Variants in MYO3B observed in about 807,000 individuals in gnomAD.
The protein encoded by MYO3B is myosin IIIB, also known as myosin-IIIb.
MYO3B carries 156 observed loss-of-function variants against 174.6 expected under a neutral mutation model. The observed-to-expected ratio is 0.89, with a 90% CI of 0.78 to 1.02. The LOEUF is 1.02. MYO3B is among the 50% of genes least tolerant of loss of function. The pLI, the probability that MYO3B is intolerant of heterozygous loss-of-function variation, is 0.00. For synonymous variants in MYO3B, 563 were observed against 569.1 expected (o/e 0.99, Z 0.15); for missense variants, 1,632 against 1,639.4 (o/e 1.00, Z 0.08).
At chr2:170,531,009 G>A (rs1332105575) in intron 30 of MYO3B, among the ~76,000 whole-genome samples, 2 of 152,114 alleles carry the variant, frequency 1.3e-5, no homozygotes, top group Admixed American at 6.5e-5. Context: ...ACCCCAACAT[G>A]GCTTTCACTT....
At chr2:170,259,339 A>G (rs765982058) in intron 7 of MYO3B, among the ~76,000 whole-genome samples, 1 of 152,164 alleles carries the variant, frequency 6.6e-6, no homozygotes, top group Non-Finnish European at 1.5e-5. Context: ...GTAGCCAAAA[A>G]GCATGGTACT....
At chr2:170,355,286 T>G (rs1313148168) in intron 8 of MYO3B, among the ~76,000 whole-genome samples, 1 of 152,230 alleles carries the variant, frequency 6.6e-6, no homozygotes, top group Admixed American at 6.5e-5. Flanking sequence ...TTAGTGTGGT[T>G]AAGTTGTTAT....
At position 170,532,600 on chromosome 2, in the gene MYO3B, G is replaced by T. The variant is rs192374328; in HGVS notation, c.3576-10306G>T. On this transcript the variant is annotated intron_variant, in intron 30 of 34. Transcript: ENST00000408978. The stretch of plus-strand genomic sequence containing the variant: ...GGCCAAGGTGGGCGGATCACCTGGG[G>T]TCAGGAGTTCGAGACCAGCCTGACC... 3.2e-4 allele frequency among the ~76,000 whole-genome samples: 49 copies of T among 152,108 alleles called. No individual in the cohort carries two copies. In the East Asian group the frequency reaches 8.9e-3, roughly 28 times the overall value.
At chr2:170,358,877 C>A (rs2094141595) in intron 8 of MYO3B, among the ~76,000 whole-genome samples, 1 of 152,124 alleles carries the variant, frequency 6.6e-6, no homozygotes, top group South Asian at 2.1e-4. Context: ...AAGTTCTAAG[C>A]CTGTGCACAT....
At chr2:170,181,697 G>T (rs1424115280) in intron 1 of MYO3B, among the ~76,000 whole-genome samples, 1 of 152,124 alleles carries the variant, frequency 6.6e-6, no homozygotes, top group Non-Finnish European at 1.5e-5. Context: ...CGATCGAGAT[G>T]ATGGTTTTTC....
chr2:170,551,663 T>C (rs1244090279), intron 32 of MYO3B, among the ~76,000 whole-genome samples: 1 of 151,954 alleles, frequency 6.6e-6, no homozygotes, highest in African/African-American at 2.4e-5. Context: ...TATAGTTGTC[T>C]TAATCCCCAA....
chr2:170,216,532 A>G (rs1279369753), intron 5 of MYO3B, among the ~76,000 whole-genome samples: 1 of 152,220 alleles, frequency 6.6e-6, no homozygotes, highest in Non-Finnish European at 1.5e-5. Context: ...CTCTCGTGAT[A>G]TGAAGAAGAC....
chr2:170,585,849 C>A (rs1416466522), intron 32 of MYO3B, among the ~76,000 whole-genome samples: 1 of 152,060 alleles, frequency 6.6e-6, no homozygotes, highest in Non-Finnish European at 1.5e-5. Context: ...GCCAGGAGTT[C>A]GAGACTGACC....
chr2:170,285,805 A>AT (rs35953791), intron 7 of MYO3B, among the ~76,000 whole-genome samples: 120,596 of 146,906 alleles, frequency 0.82, 49,833 homozygotes, highest in East Asian at 0.99. Context: ...ATAATGTTGT[A>AT]TTTTTTTTTT....
chr2:170,264,764 G>A (rs1280571040), intron 7 of MYO3B, among the ~76,000 whole-genome samples: 1 of 152,174 alleles, frequency 6.6e-6, no homozygotes, highest in Non-Finnish European at 1.5e-5. Flanking sequence ...AATGAAAATT[G>A]GAAAGAGGAT....
chr2:170,290,842 GC>G (rs2093590685), intron 7 of MYO3B, among the ~76,000 whole-genome samples: 1 of 150,878 alleles, frequency 6.6e-6, no homozygotes, highest in Non-Finnish European at 1.5e-5. Context: ...TCTATTATAG[GC>G]ATTCATGCTG....
intron 30 of MYO3B, among the ~76,000 whole-genome samples, chr2:170,530,482 A>C (rs1446891973): frequency 6.6e-6 from 1 of 152,168 alleles, no homozygotes; most frequent in Non-Finnish European, 1.5e-5. Context: ...GAAGTGGTTC[A>C]ACACCACCTA....
At chr2:170,566,394 T>A (rs1692079760) in intron 32 of MYO3B, among the ~76,000 whole-genome samples, 2 of 152,194 alleles carry the variant, frequency 1.3e-5, no homozygotes, top group Non-Finnish European at 2.9e-5. Flanking sequence ...TTGTAATGCT[T>A]GAGTGTTTTT....
In MYO3B at chr2:170,269,108, C is replaced by T. The variant is rs576073756; in HGVS notation, c.749+32972C>T. ...ATCTGCTTTTGCTCAGGTGGTTGTA[C>T]ACCTTACAGGCTGCCTCTTAATCTA... On this transcript the variant is annotated intron_variant, in intron 7 of 34. Transcript: ENST00000408978. Among the ~76,000 whole-genome samples the T allele has an allele frequency of 3.9e-5, 6 of 152,318 alleles. No individual in the cohort carries two copies. The South Asian group carries it at 1.2e-3, about 32-fold the overall frequency.
At chr2:170,574,229 C>T (rs750037552) in intron 32 of MYO3B, among the ~76,000 whole-genome samples, 3 of 152,124 alleles carry the variant, frequency 2.0e-5, no homozygotes, top group Non-Finnish European at 4.4e-5. Context: ...TATGCATGCA[C>T]GGTAGGTTCT....
chr2:170,590,691 A>T (rs1307458265), intron 32 of MYO3B, among the ~76,000 whole-genome samples: 5 of 151,628 alleles, frequency 3.3e-5, no homozygotes, highest in Non-Finnish European at 7.4e-5. Context: ...GAACTGAGCT[A>T]AGAAAAATCT....
chr2:170,540,470 G>A (rs1690017603), intron 30 of MYO3B, among the ~76,000 whole-genome samples: 1 of 151,856 alleles, frequency 6.6e-6, no homozygotes, highest in African/African-American at 2.4e-5. Context: ...AATAGAGACA[G>A]GGTCTTGCTA....
intron 7 of MYO3B, among the ~76,000 whole-genome samples, chr2:170,269,611 G>A (rs1181840994): frequency 6.6e-6 from 1 of 152,122 alleles, no homozygotes; most frequent in African/African-American, 2.4e-5. Context: ...TCCATCTATA[G>A]GCATGCCACG....
Position 170,654,696 on chromosome 2 carries a change from C to A in MYO3B, c.*1575C>A, listed in dbSNP as rs570132470. On this transcript the variant is annotated 3_prime_UTR_variant, in exon 35 of 35. Coordinates refer to ENST00000408978, the MANE Select transcript of MYO3B (RefSeq NM_138995.5). Reference sequence around the variant, plus strand: ...AAAGAGATAGTATGCAAGAAGACACCTAAATTTTGAGAGAAATAACCTTGA... The same window carrying A: ...AAAGAGATAGTATGCAAGAAGACACATAAATTTTGAGAGAAATAACCTTGA... The A allele has an allele frequency of 6.8e-6, 1 of 146,466 alleles. No homozygotes were observed. The highest frequency in any genetic ancestry group is 1.5e-5 in the Non-Finnish European group (1 of 66,764). The allele number at this position is 146,466 out of a possible 1,614,324, so 9.1% of individuals were successfully genotyped here. A position where few individuals can be genotyped will look rare whatever the true frequency, so the allele number is the denominator to read the frequency against.
Sources: allele counts gnomAD v4.1 joint callset (sites outside exome capture counted in the v4.1 genomes callset), GRCh38; gene constraint gnomAD v4.1.1; transcripts MANE v1.5; gene names NCBI Gene and HGNC (gene_info 2026-07-23, HGNC 2026-07-21).